The following PDE7B variants were observed in gnomAD, a reference collection of about 807,000 sequenced individuals.
PDE7B encodes the protein phosphodiesterase 7B, also known as 3',5'-cyclic-AMP phosphodiesterase 7B.
Under a neutral mutation model 56.2 loss-of-function variants are expected in PDE7B, and 29 were observed. That is an observed-to-expected ratio of 0.52 (90% confidence interval 0.38 to 0.70). The LOEUF (loss-of-function observed/expected upper bound fraction) is 0.70, where lower values mean the gene tolerates loss of function less well. Ranked by LOEUF, PDE7B falls within the 30% of genes least tolerant of loss-of-function variation. The probability of loss-of-function intolerance (pLI) is 0.00; values close to 1 mark genes in which losing one functional copy is unlikely to be tolerated. For synonymous variants in PDE7B, 197 were observed against 196.9 expected (o/e 1.00, Z 0.00); for missense variants, 490 against 565.0 (o/e 0.87, Z 1.35).
At chr6:136,155,002 T>C (rs572593700) in intron 7 of PDE7B, among the ~76,000 whole-genome samples, 79 of 152,292 alleles carry the variant, frequency 5.2e-4, no homozygotes, top group African/African-American at 1.7e-3. Context: ...GTTTTTTAAT[T>C]TCCAAGTAGT....
At chr6:135,920,318 A>T (rs1327591763) in intron 1 of PDE7B, among the ~76,000 whole-genome samples, 1 of 152,210 alleles carries the variant, frequency 6.6e-6, no homozygotes, top group Non-Finnish European at 1.5e-5. Flanking sequence ...TTTAACACCT[A>T]GGTTGGCATA....
At chr6:135,984,694 G>T (rs1050276704) in intron 2 of PDE7B, among the ~76,000 whole-genome samples, 1 of 152,142 alleles carries the variant, frequency 6.6e-6, no homozygotes, top group African/African-American at 2.4e-5. Flanking sequence ...TGCAGTGGTT[G>T]CAAACCTGGA....
intron 1 of PDE7B, among the ~76,000 whole-genome samples, chr6:135,928,082 G>A (rs1392697721): frequency 6.6e-6 from 1 of 151,970 alleles, no homozygotes; most frequent in Non-Finnish European, 1.5e-5. Context: ...AAATCACCAT[G>A]AGATACCATC....
At chr6:135,996,775 T>G (rs1380870650) in intron 2 of PDE7B, among the ~76,000 whole-genome samples, 1 of 152,242 alleles carries the variant, frequency 6.6e-6, no homozygotes, top group African/African-American at 2.4e-5. Context: ...CTACTTCTTT[T>G]CCAGTATGCA....
chr6:135,942,113 A>G (rs1311888694), intron 1 of PDE7B, among the ~76,000 whole-genome samples: 1 of 148,706 alleles, frequency 6.7e-6, no homozygotes, highest in Non-Finnish European at 1.5e-5. Context: ...AATATTGTCA[A>G]TTGGATATAA....
At chr6:136,152,767 T>G (rs1437004853) in intron 6 of PDE7B, among the ~76,000 whole-genome samples, 1 of 152,240 alleles carries the variant, frequency 6.6e-6, no homozygotes, top group East Asian at 1.9e-4. Context: ...GCTGACTTAA[T>G]GCCATCAGAA....
chr6:135,930,107 A>G (rs1774269144), intron 1 of PDE7B, among the ~76,000 whole-genome samples: 2 of 152,164 alleles, frequency 1.3e-5, no homozygotes, highest in Non-Finnish European at 2.9e-5. Context: ...AATGACTTAC[A>G]ATTCCATATG....
At position 136,037,305 on chromosome 6, in the gene PDE7B, G is replaced by A. The variant is rs1025786093; in HGVS notation, c.83-71426G>A. 22 of 535,024 alleles carry A rather than the reference G, an allele frequency of 4.1e-5. No homozygotes were observed. In the East Asian group the frequency reaches 4.4e-4, roughly 11 times the overall value. The allele number at this position is 535,024 out of a possible 1,614,324, so 33.1% of individuals were successfully genotyped here. On this transcript the variant is annotated intron_variant, in intron 2 of 12. Transcript: ENST00000308191. Reference sequence around the variant, plus strand: ...ACGCATGAGGATCTTGATGCTTCCCGAATTCGCATCTTTCGGAGTTAACTG... The same window carrying A: ...ACGCATGAGGATCTTGATGCTTCCCAAATTCGCATCTTTCGGAGTTAACTG...
At chr6:135,900,871 C>T (rs1036117071) in intron 1 of PDE7B, among the ~76,000 whole-genome samples, 1 of 152,080 alleles carries the variant, frequency 6.6e-6, no homozygotes, top group Non-Finnish European at 1.5e-5. Context: ...TGTCCAGTGT[C>T]TAGGTAGCAT....
chr6:136,183,417 C>T (rs1779098336), intron 11 of PDE7B, among the ~76,000 whole-genome samples: 1 of 151,664 alleles, frequency 6.6e-6, no homozygotes, highest in Non-Finnish European at 1.5e-5. Flanking sequence ...CACGGTGAAA[C>T]CCCGTCTCTA....
intron 2 of PDE7B, chr6:136,049,021 G>A (rs1054111979): frequency 6.6e-6 from 1 of 152,192 alleles, no homozygotes; most frequent in Non-Finnish European, 1.5e-5. Context: ...GCAGAACACA[G>A]GTTGTCGCCA....
At chr6:136,039,728 T>C (rs1313487198) in intron 2 of PDE7B, among the ~76,000 whole-genome samples, 1 of 152,190 alleles carries the variant, frequency 6.6e-6, no homozygotes, top group Non-Finnish European at 1.5e-5. Context: ...CTGAGGTTTA[T>C]GTGGCAATTG....
intron 2 of PDE7B, among the ~76,000 whole-genome samples, chr6:136,058,164 AG>A (rs896224011): frequency 6.6e-6 from 1 of 152,132 alleles, no homozygotes; most frequent in East Asian, 1.9e-4. Context: ...AGCACCAGAT[AG>A]GGGGGAACTC....
chr6:135,972,277 T>C (rs1775108153), intron 2 of PDE7B, among the ~76,000 whole-genome samples: 1 of 145,194 alleles, frequency 6.9e-6, no homozygotes, highest in Non-Finnish European at 1.5e-5. Flanking sequence ...AAAACAGGGA[T>C]GTGTCTGCTC....
chr6:136,155,971 G>T, intron 8 of PDE7B: 1 of 689,582 alleles, frequency 1.5e-6, no homozygotes, highest in Admixed American at 2.0e-5. Flanking sequence ...TTTGAAAGAG[G>T]TTTGAGGAAT....
At position 135,917,630 on chromosome 6, in the gene PDE7B, A is replaced by G. The variant is rs538113844; in HGVS notation, c.22-29834A>G. Among the ~76,000 whole-genome samples, 143 of 151,658 alleles carry G rather than the reference A, an allele frequency of 9.4e-4. 2 individuals carry two copies. The highest frequency in any genetic ancestry group is 3.4e-3 in the Middle Eastern group (1 of 294). ...TTTTTTTTTTATTGTTGTTGTTGTTAGTTAAATTTTTCATTTCCTTTGCAC... is the reference window on the plus strand; with the variant it reads ...TTTTTTTTTTATTGTTGTTGTTGTTGGTTAAATTTTTCATTTCCTTTGCAC... On this transcript the variant is annotated intron_variant, in intron 1 of 12. Coordinates refer to ENST00000308191, the MANE Select transcript of PDE7B (RefSeq NM_018945.4).
chr6:136,128,676 GC>G (rs1778065023), intron 3 of PDE7B, among the ~76,000 whole-genome samples: 2 of 152,084 alleles, frequency 1.3e-5, no homozygotes, highest in East Asian at 3.9e-4. Context: ...CATAGGCCCT[GC>G]CCTCAAGGAA....
chr6:136,094,725 A>C (rs1313717564), intron 2 of PDE7B: 2 of 152,236 alleles, frequency 1.3e-5, no homozygotes, highest in Admixed American at 6.5e-5. Context: ...CCACAGGGGC[A>C]GGCACGTTTT....
At chr6:136,129,582 T>C (rs998806825) in intron 3 of PDE7B, among the ~76,000 whole-genome samples, 1 of 152,144 alleles carries the variant, frequency 6.6e-6, no homozygotes, top group East Asian at 1.9e-4. Context: ...CAGGAAACTC[T>C]CCAGGAGCAG....
Sources: gnomAD v4.1 joint callset for allele counts (sites outside exome capture counted in the v4.1 genomes callset) on GRCh38, gnomAD v4.1.1 for gene constraint, MANE v1.5 for transcripts, NCBI Gene and HGNC (gene_info 2026-07-23, HGNC 2026-07-21) for gene names.